The following RIMBP2 variants were observed in gnomAD, a reference collection of about 807,000 sequenced individuals.
RIMBP2 encodes RIMS binding protein 2.
In RIMBP2, 48 loss-of-function variants were observed where a neutral mutation model predicts 118.6. The ratio of observed to expected loss-of-function variants is 0.40; its 90% CI spans 0.32 to 0.51. The LOEUF (loss-of-function observed/expected upper bound fraction) is 0.51, where lower values mean the gene tolerates loss of function less well. Among genes scored for constraint, RIMBP2 ranks in the 20% least tolerant of loss-of-function variants. The probability of loss-of-function intolerance (pLI) is 0.41; values close to 1 mark genes in which losing one functional copy is unlikely to be tolerated. For synonymous variants in RIMBP2, 762 were observed against 742.9 expected, an observed-to-expected ratio of 1.03 and a Z score of -0.42; for missense variants, 1,551 against 1,768.3, an observed-to-expected ratio of 0.88 and a Z score of 2.20.
In RIMBP2 at chr12:130,434,496, G is replaced by A. The variant is rs1004783897; in HGVS notation, c.2253+238C>T. Among the ~76,000 whole-genome samples the A allele has an allele frequency of 5.3e-5, 8 of 152,132 alleles. No homozygotes were observed. The highest frequency in any genetic ancestry group is 1.9e-4 in the East Asian group (1 of 5,188). The stretch of plus-strand genomic sequence containing the variant: ...TGACCGAATACCAGGATGGTGCAGC[G>A]GGGGAGGGTGGAAGCCCTGCACTTC... On this transcript the variant is annotated intron_variant, in intron 14 of 22. Transcript: ENST00000690449. This position sits in a 1 kb window ranked among gnomAD's most constrained non-coding sequence, Gnocchi z 5.7.
chr12:130,704,738 G>A (rs117342408), intron 1 of RIMBP2, among the ~76,000 whole-genome samples: 6,494 of 152,186 alleles, frequency 0.043, 142 homozygotes, highest in Middle Eastern at 0.099. Context: ...CCACAGGTCT[G>A]TTTCCCAAAG....
intron 4 of RIMBP2, among the ~76,000 whole-genome samples, chr12:130,490,374 C>T (rs1286231405): frequency 6.6e-6 from 1 of 152,040 alleles, no homozygotes; most frequent in Non-Finnish European, 1.5e-5. Context: ...TACAATTTAG[C>T]TTGGATTTTT....
At chr12:130,693,200 A>G (rs929159157) in intron 1 of RIMBP2, among the ~76,000 whole-genome samples, 1 of 152,156 alleles carries the variant, frequency 6.6e-6, no homozygotes, top group African/African-American at 2.4e-5. Context: ...TCCCTGTGAT[A>G]TGACTCCGTG....
intron 4 of RIMBP2, among the ~76,000 whole-genome samples, chr12:130,503,599 T>A (rs2050016942): frequency 6.6e-6 from 1 of 152,220 alleles, no homozygotes; most frequent in Non-Finnish European, 1.5e-5. Flanking sequence ...TATGAAAATG[T>A]TCCTGACAAC....
chr12:130,638,428 G>A lies in RIMBP2; in HGVS notation c.-351-9972C>T, dbSNP rs143181083. Among the ~76,000 whole-genome samples the A allele has an allele frequency of 1.4e-3, 212 of 152,290 alleles. 1 individual carries two copies. The East Asian group carries it at 0.021, about 15-fold the overall frequency. Reference sequence around the variant, plus strand: ...AACTCTATCGGGGTCCCGAAGCCCCGAGCTGCGGGCTAGTAAAGGTAGCCT... The same window carrying A: ...AACTCTATCGGGGTCCCGAAGCCCCAAGCTGCGGGCTAGTAAAGGTAGCCT... On this transcript the variant is annotated intron_variant, in intron 1 of 22. Coordinates refer to ENST00000690449, the MANE Select transcript of RIMBP2 (RefSeq NM_001393629.1).
intron 4 of RIMBP2, among the ~76,000 whole-genome samples, chr12:130,496,291 T>C (rs1326310972): frequency 6.6e-6 from 1 of 152,162 alleles, no homozygotes; most frequent in African/African-American, 2.4e-5. Flanking sequence ...CATTCCCTTC[T>C]CTTCTCTTGC....
At chr12:130,462,623 C>T (rs970110206) in intron 6 of RIMBP2, among the ~76,000 whole-genome samples, 15 of 152,228 alleles carry the variant, frequency 9.9e-5, no homozygotes, top group African/African-American at 3.6e-4. Context: ...AGAGCTGGGT[C>T]TCTAGCTGGT....
intron 1 of RIMBP2, among the ~76,000 whole-genome samples, chr12:130,636,114 G>T (rs916419795): frequency 7.9e-5 from 12 of 152,068 alleles, no homozygotes; most frequent in Admixed American, 5.9e-4. Flanking sequence ...ATCTCAAACG[G>T]AGTCTTTGGC....
intron 2 of RIMBP2, among the ~76,000 whole-genome samples, chr12:130,538,956 A>T (rs2054317208): frequency 6.6e-6 from 1 of 152,158 alleles, no homozygotes; most frequent in Non-Finnish European, 1.5e-5. Flanking sequence ...GAGGGTGCTA[A>T]GGGTGGTAAA....
rs574418653 is a variant in RIMBP2 at position 130,438,308 on chromosome 12, G to C, written c.1656+57C>G. Reference sequence around the variant, plus strand: ...TCCTCCACTGAGCAAATACCGGGCCGGTCCCTGCTGCGTTAGGGCCTAACA... The same window carrying C: ...TCCTCCACTGAGCAAATACCGGGCCCGTCCCTGCTGCGTTAGGGCCTAACA... On this transcript the variant is annotated intron_variant, in intron 12 of 22. Transcript: ENST00000690449. 19 of 1,590,216 alleles carry C rather than the reference G, an allele frequency of 1.2e-5. No individual in the cohort carries two copies. In the South Asian group the frequency reaches 1.8e-4, roughly 15 times the overall value.
intron 2 of RIMBP2, among the ~76,000 whole-genome samples, chr12:130,573,972 C>A (rs923569342): frequency 6.6e-6 from 1 of 151,616 alleles, no homozygotes; most frequent in African/African-American, 2.4e-5. Flanking sequence ...CCAATTCTGA[C>A]GGGAAGGAAA....
At position 130,670,039 on chromosome 12, in the gene RIMBP2, C is replaced by T. The variant is rs79602650; in HGVS notation, c.-351-41583G>A. Among the ~76,000 whole-genome samples, 1,797 of 152,168 alleles carry T rather than the reference C, an allele frequency of 0.012. 30 individuals carry two copies. Among genetic ancestry groups the T allele is most frequent in the African/African-American group, 0.04 (1,678 of 41,530 alleles). ...CATCCTGGATTATGCAGGTGGGCCC[C>T]GAATCCAATGACTGCTGTTTTTATA... On this transcript the variant is annotated intron_variant, in intron 1 of 22. Transcript: ENST00000690449. This position sits in a 1 kb window ranked among gnomAD's most constrained non-coding sequence, Gnocchi z 4.9.
intron 1 of RIMBP2, among the ~76,000 whole-genome samples, chr12:130,681,685 C>T (rs949330515): frequency 6.6e-5 from 10 of 152,116 alleles, no homozygotes; most frequent in African/African-American, 1.4e-4. Flanking sequence ...CAACCTCACG[C>T]GAGTATTTCT....
At chr12:130,563,208 G>A (rs73156930) in intron 2 of RIMBP2, among the ~76,000 whole-genome samples, 12,335 of 152,172 alleles carry the variant, frequency 0.081, 635 homozygotes, top group Middle Eastern at 0.14. Flanking sequence ...TATTCCCATC[G>A]CCCCTTAGAC....
At chr12:130,404,438 C>G (rs910333662) in intron 21 of RIMBP2, among the ~76,000 whole-genome samples, 1 of 152,202 alleles carries the variant, frequency 6.6e-6, no homozygotes, top group Non-Finnish European at 1.5e-5. Context: ...GCTGGGATTA[C>G]AGGCACATGC....
intron 4 of RIMBP2, among the ~76,000 whole-genome samples, chr12:130,505,236 G>T (rs4237817): frequency 1.3e-5 from 2 of 151,896 alleles, no homozygotes; most frequent in Non-Finnish European, 2.9e-5. Context: ...TTCACATTCA[G>T]GGCCGGTAGT....
intron 1 of RIMBP2, among the ~76,000 whole-genome samples, chr12:130,692,824 AATGGGATGGG>A (rs1224550349): frequency 2.4e-5 from 3 of 122,586 alleles, no homozygotes; most frequent in East Asian, 5.9e-4. Context: ...GGATGGGTGG[AATGGGATGGG>A]ATGGGATGGG....
At chr12:130,439,618 G>T (rs1183643691) in intron 11 of RIMBP2, among the ~76,000 whole-genome samples, 5 of 87,828 alleles carry the variant, frequency 5.7e-5, no homozygotes, top group Admixed American at 1.4e-4. Flanking sequence ...TGTGTATGTG[G>T]GTGTGTGGGG....
At chr12:130,455,111 G>A (rs141177649) in intron 7 of RIMBP2, among the ~76,000 whole-genome samples, 1,820 of 152,332 alleles carry the variant, frequency 0.012, 43 homozygotes, top group African/African-American at 0.042. Flanking sequence ...AGCAGAAGCC[G>A]TGCGTTTCTT....
Sources: gnomAD v4.1 joint callset for allele counts (sites outside exome capture counted in the v4.1 genomes callset) on GRCh38, gnomAD v4.1.1 for gene constraint, Gnocchi (gnomAD v3.1) non-coding constraint, MANE v1.5 for transcripts, NCBI Gene and HGNC (gene_info 2026-07-23, HGNC 2026-07-21) for gene names.